Variants in KIF1C observed in about 807,000 individuals in gnomAD.
KIF1C encodes kinesin family member 1C.
Under a neutral mutation model 126.5 loss-of-function variants are expected in KIF1C, and 61 were observed. The observed-to-expected ratio is 0.48, with a 90% confidence interval of 0.39 to 0.60. The LOEUF is 0.60. Among genes scored for constraint, KIF1C ranks in the 20% least tolerant of loss-of-function variants. The probability of loss-of-function intolerance (pLI) is 0.00; values close to 1 mark genes in which losing one functional copy is unlikely to be tolerated. For synonymous variants in KIF1C, 640 were observed against 580.6 expected (o/e 1.10, Z -1.47); for missense variants, 1,315 against 1,489.2 (o/e 0.88, Z 1.93).
chr17:5,016,255 A>G (rs1312828262), intron 18 of KIF1C, among the ~76,000 whole-genome samples: 1 of 150,956 alleles, frequency 6.6e-6, no homozygotes, highest in East Asian at 2.0e-4. Flanking sequence ...CTCCTGCCTC[A>G]GCCTCCCGAG....
At chr17:5,002,004 CTT>C in intron 5 of KIF1C, 53 bp from the exon 6 acceptor site, 1 of 1,540,566 alleles carries the variant, frequency 6.5e-7, no homozygotes, top group Non-Finnish European at 9.0e-7. Context: ...TGGCTGGACA[CTT>C]TAGGTGTGCC....
In KIF1C at chr17:5,023,783, A is replaced by G. The variant is rs1348637296; in HGVS notation, c.2944A>G (p.Lys982Glu). The G allele has an allele frequency of 6.6e-7, 1 of 1,520,720 alleles. No individual in the cohort carries two copies. 94.2% of individuals were successfully genotyped at this position (1,520,720 alleles called of 1,614,324 possible). The change falls in exon 23 of 23, where the codon AAG becomes GAG. Residue 982 changes from lysine to glutamate, a missense_variant. Around this residue, in one of 2 missense-constraint regions of KIF1C, gnomAD observed 441 missense variants for 436.1 expected, o/e 1.01. Coordinates refer to ENST00000320785, the MANE Select transcript of KIF1C (RefSeq NM_006612.6). The surrounding 1 kb of genome is among the most constrained non-coding windows in gnomAD (Gnocchi z 4.2). The part of the protein sequence containing the change: ...PHDCKLRFPF[K>E]SNPQHRESWP... ...CGACTGCAAGCTACGCTTCCCCTTC[A>G]AGAGCAACCCCCAGCACCGGGAGTC...
In KIF1C at chr17:5,020,879, G is replaced by T. The variant is rs112753821; in HGVS notation, c.2010+1G>T. Reference sequence around the variant, plus strand: ...TCTTCTGCTGGAGCAGCAGCGACTGGTGAGGGGCAGCAGGGGCTGGGGATG... The same window carrying T: ...TCTTCTGCTGGAGCAGCAGCGACTGTTGAGGGGCAGCAGGGGCTGGGGATG... On this transcript the variant is annotated splice_donor_variant, in intron 21 of 22. Coordinates refer to ENST00000320785, the MANE Select transcript of KIF1C (RefSeq NM_006612.6). LOFTEE classifies it high-confidence loss of function. The surrounding 1 kb of genome is among the most constrained non-coding windows in gnomAD (Gnocchi z 5.8). The T allele has an allele frequency of 6.4e-7, 1 of 1,574,426 alleles. No homozygotes were observed. The highest frequency in any genetic ancestry group is 8.6e-7 in the Non-Finnish European group (1 of 1,159,724).
At chr17:5,019,428 C>T (rs964005817) in intron 18 of KIF1C, 6 of 168,598 alleles carry the variant, frequency 3.6e-5, no homozygotes, top group South Asian at 2.0e-4. Flanking sequence ...CGTGCATCTT[C>T]GCGTCCCCAG....
rs770846082 is a variant in KIF1C at position 5,024,748 on chromosome 17, T to C, written c.*597T>C. On this transcript the variant is annotated 3_prime_UTR_variant, in exon 23 of 23. Coordinates refer to ENST00000320785, the MANE Select transcript of KIF1C (RefSeq NM_006612.6). ...TGGGTTTTCATGGAGGTGTAGGTTA[T>C]ATAAGGCAATGGCACAGGTCTTAAG... 6.5e-6 allele frequency: 1 copy of C among 153,000 alleles called. No individual in the cohort carries two copies. Among genetic ancestry groups the C allele is most frequent in the Non-Finnish European group, 1.5e-5 (1 of 68,350 alleles). The allele number at this position is 153,000 out of a possible 1,614,324, so 9.5% of individuals were successfully genotyped here.
intron 5 of KIF1C, 80 bp downstream of exon 5, chr17:5,001,481 G>A: frequency 7.2e-7 from 1 of 1,383,618 alleles, no homozygotes; most frequent in Non-Finnish European, 1.0e-6. Context: ...TAGGGTCGGA[G>A]GATTATGGAA....
chr17:5,017,444 C>T (rs191847141), intron 18 of KIF1C, among the ~76,000 whole-genome samples: 185 of 151,724 alleles, frequency 1.2e-3, no homozygotes, highest in Middle Eastern at 3.4e-3. Flanking sequence ...GGACTACAGG[C>T]GCCCCCCCAC....
rs777872350 is a variant in KIF1C, at chr17:5,023,633, C to T, written c.2794C>T (p.Pro932Ser). 1.9e-6 allele frequency: 3 copies of T among 1,613,252 alleles called. No homozygotes were observed. The highest frequency in any genetic ancestry group is 2.5e-6 in the Non-Finnish European group (3 of 1,179,796). ...ERVSRLMEED[P>S]AFRRGRLRWL... ...GGTGTCACGGCTCATGGAGGAGGAC[C>T]CTGCCTTCCGTCGTGGTCGTCTTCG... The change falls in exon 23 of 23, where the codon CCT becomes TCT. Residue 932 changes from proline to serine, a missense_variant. Coordinates refer to ENST00000320785, the MANE Select transcript of KIF1C (RefSeq NM_006612.6). The surrounding 1 kb of genome is among the most constrained non-coding windows in gnomAD (Gnocchi z 4.2).
In KIF1C at chr17:5,020,780, T is replaced by C. The variant is rs966153495; in HGVS notation, c.1938-26T>C. The C allele has an allele frequency of 2.4e-5, 39 of 1,597,628 alleles. No individual in the cohort carries two copies. The highest frequency in any genetic ancestry group is 3.0e-5 in the Non-Finnish European group (35 of 1,171,766). ...TGTCAGATACTCACCAAGGTTGCTC[T>C]TCCTTCCCTCCCTGTCCAATCCCAG... is the stretch of plus-strand genomic sequence containing the variant. On this transcript the variant is annotated intron_variant, in intron 20 of 22. Coordinates refer to ENST00000320785, the MANE Select transcript of KIF1C (RefSeq NM_006612.6). This position sits in a 1 kb window ranked among gnomAD's most constrained non-coding sequence, Gnocchi z 5.8.
Position 5,022,510 on chromosome 17 carries a change from A to C in KIF1C, c.2429A>C (p.Glu810Ala), listed in dbSNP as rs182610831. 56 of 1,588,420 alleles carry C rather than the reference A, an allele frequency of 3.5e-5. No homozygotes were observed. The Admixed American group carries it at 9.7e-4, about 27-fold the overall frequency. The change falls in exon 22 of 23, where the codon GAG becomes GCG. Residue 810 changes from glutamate to alanine, a missense_variant. This residue lies in a region of KIF1C where 441 missense variants were observed against 436.1 expected (regional missense o/e 1.01). Coordinates refer to ENST00000320785, the MANE Select transcript of KIF1C (RefSeq NM_006612.6). The surrounding 1 kb of genome is among the most constrained non-coding windows in gnomAD (Gnocchi z 4.9). ...ARDVWDTVGE[E>A]EGGGAGSGGG... The stretch of plus-strand genomic sequence containing the variant: ...GATGTCTGGGACACTGTAGGCGAGG[A>C]GGAAGGAGGTGGAGCTGGCAGTGGT...
chr17:5,020,015 T>C lies in KIF1C; in HGVS notation c.1686T>C (p.Pro562=), dbSNP rs1975055037. 3 of 1,605,070 alleles carry C rather than the reference T, an allele frequency of 1.9e-6. No individual in the cohort carries two copies. The highest frequency in any genetic ancestry group is 1.3e-5 in the African/African-American group (1 of 74,844). ...ATTCAGTGGTGGTCACTCTGGAGCC[T>C]TGTGAAGGAGCTGAGACATATGTGA... is the stretch of plus-strand genomic sequence containing the variant. The part of the protein sequence containing the change: ...PDGEVVVTLE[P]CEGAETYVNG... Residue 562 remains proline, a synonymous_variant, in exon 19 of 23, where the codon CCT becomes CCC. Transcript: ENST00000320785. This position sits in a 1 kb window ranked among gnomAD's most constrained non-coding sequence, Gnocchi z 5.8.
chr17:5,007,102 GC>G lies in KIF1C; in HGVS notation c.1335+19del, dbSNP rs1420552516. The G allele has an allele frequency of 6.3e-7, 1 of 1,581,972 alleles. No individual in the cohort carries two copies. The highest frequency in any genetic ancestry group is 1.4e-5 in the African/African-American group (1 of 73,130). On this transcript the variant is annotated intron_variant, in intron 14 of 22. Transcript: ENST00000320785. ...GGCTGCAGGTGGGAAGCTGGAGCTG[GC>G]AAGGGCTGGGGGTCTGGGCATTCCT...
intron 1 of KIF1C, among the ~76,000 whole-genome samples, chr17:4,998,668 G>C (rs1974467327): frequency 6.6e-6 from 1 of 152,214 alleles, no homozygotes; most frequent in African/African-American, 2.4e-5. Flanking sequence ...TCCTGAGCCA[G>C]CTTCTGTGAT....
rs143146189 is a variant in KIF1C at position 5,017,221 on chromosome 17, G to A, written c.1666+2384G>A. Among the ~76,000 whole-genome samples, 284 of 151,254 alleles carry A rather than the reference G, an allele frequency of 1.9e-3. 1 individual carries two copies. The highest frequency in any genetic ancestry group is 6.1e-3 in the African/African-American group (253 of 41,376). On this transcript the variant is annotated intron_variant, in intron 18 of 22. Coordinates refer to ENST00000320785, the MANE Select transcript of KIF1C (RefSeq NM_006612.6). ...GTGTGCAAGACTGACATAGGTCACA[G>A]TAAAGGCAGCCAATGATTCTGTGTT...
At chr17:5,000,679 G>A (rs1974565251) in intron 3 of KIF1C, 93 bp from the exon 4 acceptor site, 1 of 1,098,722 alleles carries the variant, frequency 9.1e-7, no homozygotes, top group Non-Finnish European at 1.4e-6. Flanking sequence ...TGAGGAGTGG[G>A]ATGCTTGGAT....
At chr17:5,000,691 C>A in intron 3 of KIF1C, 81 bp from the exon 4 acceptor site, 1 of 1,271,414 alleles carries the variant, frequency 7.9e-7, no homozygotes, top group South Asian at 1.2e-5. Flanking sequence ...TGCTTGGATT[C>A]CAGGGGCTGG....
chr17:5,024,225 C>G lies in KIF1C; in HGVS notation c.*74C>G, dbSNP rs1444466271. On this transcript the variant is annotated 3_prime_UTR_variant, in exon 23 of 23. Transcript: ENST00000320785. The stretch of plus-strand genomic sequence containing the variant: ...GGGAAGACGCCCGAGACGCTGCTTC[C>G]CCAGAAGTGCTGGGGCAGGGAGGCC... The G allele has an allele frequency of 9.1e-6, 10 of 1,102,640 alleles. No homozygotes were observed. Among genetic ancestry groups the G allele is most frequent in the Non-Finnish European group, 1.2e-5 (9 of 760,232 alleles). The allele number at this position is 1,102,640 out of a possible 1,614,324, so 68.3% of individuals were successfully genotyped here.
Position 5,007,292 on chromosome 17 carries a change from C to A in KIF1C, c.1365C>A (p.Asn455Lys). 1 of 1,611,634 alleles carries A rather than the reference C, an allele frequency of 6.2e-7. No homozygotes were observed. Among genetic ancestry groups the A allele is most frequent in the Non-Finnish European group, 8.5e-7 (1 of 1,178,898 alleles). ...CAGAGAAGATTATAGCTGAGCTGAA[C>A]GAGACATGGGAGGAGAAGCTACGCA... ...QETEKIIAEL[N>K]ETWEEKLRKT... Residue 455 changes from asparagine (N) to lysine (K), a missense_variant, in exon 15 of 23, where the codon AAC (asparagine) becomes AAA (lysine). Coordinates refer to ENST00000320785, the MANE Select transcript of KIF1C (RefSeq NM_006612.6).
chr17:5,007,280 A>G lies in KIF1C; in HGVS notation c.1353A>G (p.Ile451Met), dbSNP rs374100485. The change falls in exon 15 of 23, where the codon ATA (isoleucine) becomes ATG (methionine). Residue 451 changes from isoleucine to methionine, a missense_variant. This residue lies in a region of KIF1C where 874 missense variants were observed against 1,053.2 expected (regional missense o/e 0.83). Coordinates refer to ENST00000320785, the MANE Select transcript of KIF1C (RefSeq NM_006612.6). ...MERLQETEKI[I>M]AELNETWEEK... ...GCCCCCAGGAGACAGAGAAGATTAT[A>G]GCTGAGCTGAACGAGACATGGGAGG... 144 of 1,610,288 alleles carry G rather than the reference A, an allele frequency of 8.9e-5. No individual in the cohort carries two copies. Among genetic ancestry groups the G allele is most frequent in the Non-Finnish European group, 1.2e-4 (137 of 1,178,260 alleles).
Sources: allele counts gnomAD v4.1 joint callset (sites outside exome capture counted in the v4.1 genomes callset), GRCh38; gene constraint gnomAD v4.1.1; regional missense constraint gnomAD v4.1.1; non-coding constraint Gnocchi (gnomAD v3.1); transcripts MANE v1.5; gene names NCBI Gene and HGNC (gene_info 2026-07-23, HGNC 2026-07-21).